ZNF438: variants seen among roughly 807,000 people sequenced by gnomAD.
The protein encoded by ZNF438 is zinc finger protein 438.
Under a neutral mutation model 38.0 loss-of-function variants are expected in ZNF438, and 25 were observed. That is an observed-to-expected ratio of 0.66 (90% CI 0.48 to 0.92). The LOEUF is 0.92. Ranked by LOEUF, ZNF438 falls within the 40% of genes least tolerant of loss-of-function variation. The probability of loss-of-function intolerance (pLI) is 0.00; values close to 1 mark genes in which losing one functional copy is unlikely to be tolerated. For synonymous variants in ZNF438, 372 were observed against 364.1 expected, an observed-to-expected ratio of 1.02 and a Z score of -0.25; for missense variants, 1,007 against 999.6, an observed-to-expected ratio of 1.01 and a Z score of -0.10.
chr10:31,013,084 C>T (rs372525352), intron 1 of ZNF438, among the ~76,000 whole-genome samples: 242 of 152,316 alleles, frequency 1.6e-3, no homozygotes, highest in African/African-American at 5.5e-3. Context: ...CTTTGGGAGG[C>T]CGAGGCGGGC....
At chr10:30,952,231 A>C (rs1023512449) in intron 1 of ZNF438, among the ~76,000 whole-genome samples, 1 of 150,358 alleles carries the variant, frequency 6.7e-6, no homozygotes, top group African/African-American at 2.4e-5. Context: ...CCTTCCTTAC[A>C]CCTTATACAA....
exon 5 of ZNF438, chr10:30,848,793 G>A (rs201579158): frequency 5.5e-5 from 88 of 1,614,044 alleles, no homozygotes; most frequent in Admixed American, 2.3e-4. Flanking sequence ...CGACAAATCC[G>A]ACAACTGTAA....
chr10:30,956,316 T>A (rs531766015), intron 1 of ZNF438, among the ~76,000 whole-genome samples: 1 of 152,326 alleles, frequency 6.6e-6, no homozygotes, highest in East Asian at 1.9e-4. Flanking sequence ...AATATGTGTG[T>A]GACCAAACTG....
intron 2 of ZNF438, among the ~76,000 whole-genome samples, chr10:30,915,145 A>C (rs1163065871): frequency 6.6e-6 from 1 of 152,084 alleles, no homozygotes; most frequent in African/African-American, 2.4e-5. Flanking sequence ...GACTCTTTAA[A>C]AATAAAAAAG....
intron 1 of ZNF438, among the ~76,000 whole-genome samples, chr10:30,954,732 C>T (rs902317412): frequency 1.3e-5 from 2 of 152,240 alleles, no homozygotes; most frequent in African/African-American, 2.4e-5. Flanking sequence ...GAGCGGGCTA[C>T]AATTTGATAC....
At chr10:30,999,700 T>G (rs976989947) in intron 1 of ZNF438, among the ~76,000 whole-genome samples, 1 of 152,214 alleles carries the variant, frequency 6.6e-6, no homozygotes, top group African/African-American at 2.4e-5. Context: ...TGCCTGGCAT[T>G]TTGACGATTC....
At chr10:30,977,767 A>G (rs530666159) in intron 1 of ZNF438, among the ~76,000 whole-genome samples, 181 of 152,100 alleles carry the variant, frequency 1.2e-3, no homozygotes, top group African/African-American at 4.1e-3. Context: ...AGCGGATCGC[A>G]AGGTCAGGAG....
intron 4 of ZNF438, among the ~76,000 whole-genome samples, chr10:30,876,270 G>A (rs1000860479): frequency 3.3e-5 from 5 of 152,188 alleles, no homozygotes; most frequent in Non-Finnish European, 7.3e-5. Context: ...CCTCATTAAA[G>A]ATATGTCTTT....
chr10:31,005,000 A>G (rs898184998), intron 1 of ZNF438, among the ~76,000 whole-genome samples: 2 of 152,198 alleles, frequency 1.3e-5, no homozygotes, highest in Non-Finnish European at 2.9e-5. Context: ...AACCTCATAC[A>G]CTGTTGGTGG....
intron 4 of ZNF438, among the ~76,000 whole-genome samples, chr10:30,865,414 T>C (rs369200082): frequency 6.6e-6 from 1 of 151,948 alleles, no homozygotes; most frequent in African/African-American, 2.4e-5. Context: ...ATGACACTTT[T>C]AAGCAGCGAC....
chr10:30,931,181 G>C lies in ZNF438; in HGVS notation c.-115+10394C>G, dbSNP rs114107297. The stretch of plus-strand genomic sequence containing the variant: ...GACAGGTTCTCTTTCTGTTGAGATT[G>C]CTAAATTGGATGGACAACCATCTTG... On this transcript the variant is annotated intron_variant, in intron 2 of 5. Coordinates refer to ENST00000413025, the Ensembl canonical transcript of ZNF438. Among the ~76,000 whole-genome samples, 889 of 152,312 alleles carry C rather than the reference G, an allele frequency of 5.8e-3. 10 individuals carry two copies. Among genetic ancestry groups the C allele is most frequent in the African/African-American group, 0.021 (857 of 41,560 alleles).
chr10:31,014,158 C>T (rs1270853541), intron 1 of ZNF438, among the ~76,000 whole-genome samples: 1 of 152,118 alleles, frequency 6.6e-6, no homozygotes, highest in Non-Finnish European at 1.5e-5. Context: ...GCTATACTGA[C>T]TGTGTGATCT....
chr10:30,875,284 C>G (rs2994665), intron 4 of ZNF438: 178,662 of 985,204 alleles, frequency 0.18, 17,406 homozygotes, highest in Middle Eastern at 0.21. Flanking sequence ...CCCTCTGTAT[C>G]AGCCAGAGCC....
intron 3 of ZNF438, among the ~76,000 whole-genome samples, chr10:30,879,120 G>A (rs2038875767): frequency 3.3e-5 from 5 of 152,122 alleles, no homozygotes; most frequent in Non-Finnish European, 7.3e-5. Flanking sequence ...GATCAGCACA[G>A]GCAAGTGAGG....
At chr10:30,899,796 C>T (rs2041777650) in intron 3 of ZNF438, among the ~76,000 whole-genome samples, 1 of 152,146 alleles carries the variant, frequency 6.6e-6, no homozygotes, top group South Asian at 2.1e-4. Flanking sequence ...ATTAACTCTA[C>T]TCCTGAACTT....
intron 1 of ZNF438, among the ~76,000 whole-genome samples, chr10:31,023,489 A>T (rs2056746057): frequency 6.6e-6 from 1 of 152,266 alleles, no homozygotes; most frequent in South Asian, 2.1e-4. Flanking sequence ...TGAAATTGAT[A>T]GACAGAAAAC....
chr10:31,004,972 G>C (rs376678626), intron 1 of ZNF438, among the ~76,000 whole-genome samples: 1 of 152,332 alleles, frequency 6.6e-6, no homozygotes, highest in East Asian at 1.9e-4. Flanking sequence ...AAGTGTTGGT[G>C]ATGGTGTGAA....
intron 4 of ZNF438, among the ~76,000 whole-genome samples, chr10:30,875,097 T>C (rs2038202480): frequency 6.6e-6 from 1 of 152,186 alleles, no homozygotes; most frequent in African/African-American, 2.4e-5. Context: ...CTTAAGCATC[T>C]TTAGTCCCAG....
chr10:30,912,862 G>T (rs2043220440), intron 2 of ZNF438, among the ~76,000 whole-genome samples: 1 of 152,066 alleles, frequency 6.6e-6, no homozygotes. Context: ...AATGCATGAT[G>T]TTCCCAAAAT....
Sources: gnomAD v4.1 joint callset for allele counts (sites outside exome capture counted in the v4.1 genomes callset) on GRCh38, gnomAD v4.1.1 for gene constraint, MANE v1.5 for transcripts, NCBI Gene and HGNC (gene_info 2026-07-23, HGNC 2026-07-21) for gene names.